COL14A1: variants seen among roughly 807,000 people sequenced by gnomAD.
COL14A1 encodes the protein collagen alpha-1(XIV) chain.
A neutral mutation model predicts 230.3 loss-of-function variants in COL14A1; 136 were observed. The observed-to-expected ratio is 0.59, with a 90% CI of 0.51 to 0.68. COL14A1 has a LOEUF of 0.68. Ranked by LOEUF, COL14A1 falls within the 30% of genes least tolerant of loss-of-function variation. The pLI, the probability that COL14A1 is intolerant of heterozygous loss-of-function variation, is 0.00. For missense variants in COL14A1, 1,976 were observed against 2,215.8 expected, an observed-to-expected ratio of 0.89 and a Z score of 2.17; for synonymous variants, 792 against 784.1, an observed-to-expected ratio of 1.01 and a Z score of -0.17.
intron 37 of COL14A1, among the ~76,000 whole-genome samples, chr8:120,313,189 A>C (rs1270820558): frequency 6.6e-6 from 1 of 152,062 alleles, no homozygotes; most frequent in Non-Finnish European, 1.5e-5. Flanking sequence ...GTGAAACCCC[A>C]TCTCTACTAA....
intron 26 of COL14A1, among the ~76,000 whole-genome samples, chr8:120,273,824 A>G (rs571274360): frequency 2.0e-5 from 3 of 149,982 alleles, no homozygotes; most frequent in African/African-American, 7.3e-5. Context: ...AAAAAGGCCC[A>G]GGGCCAGATG....
chr8:120,171,909 C>T (rs1051044400), intron 5 of COL14A1, among the ~76,000 whole-genome samples: 2 of 151,462 alleles, frequency 1.3e-5, no homozygotes, highest in African/African-American at 4.9e-5. Flanking sequence ...TTTTGGGTTC[C>T]TTATATCTGT....
rs148892946 is a variant in COL14A1, at chr8:120,355,627, A to G, written c.5077+10064A>G. 1.6e-3 allele frequency among the ~76,000 whole-genome samples: 238 copies of G among 152,034 alleles called. 3 individuals are homozygous for G. The highest frequency in any genetic ancestry group is 0.01 in the Middle Eastern group (3 of 294). The stretch of plus-strand genomic sequence containing the variant: ...GGGGTTTCACCATGTAGGCCAGGCT[A>G]GTCTCGAACTCCTAACCTCAACTGA... On this transcript the variant is annotated intron_variant, in intron 45 of 47. Coordinates refer to ENST00000297848, the MANE Select transcript of COL14A1 (RefSeq NM_021110.4).
At chr8:120,155,742 A>G (rs896851712) in intron 2 of COL14A1, among the ~76,000 whole-genome samples, 4 of 152,196 alleles carry the variant, frequency 2.6e-5, no homozygotes, top group Non-Finnish European at 5.9e-5. Flanking sequence ...TATTTTTAAT[A>G]TTTAAAAATT....
At chr8:120,176,891 T>G (rs1189328631) in intron 5 of COL14A1, among the ~76,000 whole-genome samples, 1 of 152,130 alleles carries the variant, frequency 6.6e-6, no homozygotes, top group Non-Finnish European at 1.5e-5. Context: ...TTATTCTCAT[T>G]GTTATTATAA....
intron 4 of COL14A1, among the ~76,000 whole-genome samples, chr8:120,163,303 G>A (rs1227925240): frequency 2.0e-5 from 3 of 152,144 alleles, no homozygotes; most frequent in Non-Finnish European, 4.4e-5. Flanking sequence ...GAGAGGATAG[G>A]CATGGGAAAG....
At position 120,191,032 on chromosome 8, in the gene COL14A1, GTC is replaced by G. The variant is rs1816806944; in HGVS notation, c.437-5755_437-5754del. Among the ~76,000 whole-genome samples, 12 of 144,266 alleles carry G rather than the reference GTC, an allele frequency of 8.3e-5. No homozygotes were observed. The South Asian group carries it at 2.6e-3, about 32-fold the overall frequency. 94.6% of individuals were successfully genotyped at this position (144,266 alleles called of 152,430 possible). A position where few individuals can be genotyped will look rare whatever the true frequency, so the allele number is the denominator to read the frequency against. Reference sequence around the variant, plus strand: ...ATTAATTTTTTGAAGGGTTTTTTGTGTCTCTATTTCCTTCAGTTCTGCTCTGA... The same window carrying G: ...ATTAATTTTTTGAAGGGTTTTTTGTGTCTATTTCCTTCAGTTCTGCTCTGA... On this transcript the variant is annotated intron_variant, in intron 5 of 47. Coordinates refer to ENST00000297848, the MANE Select transcript of COL14A1 (RefSeq NM_021110.4).
At position 120,203,729 on chromosome 8, in the gene COL14A1, A is replaced by C. The variant is rs1193606417; in HGVS notation, c.898A>C (p.Asn300His). The C allele has an allele frequency of 6.2e-7, 1 of 1,613,698 alleles. No individual in the cohort carries two copies. The highest frequency in any genetic ancestry group is 1.3e-5 in the African/African-American group (1 of 74,872). Residue 300 changes from asparagine (N) to histidine (H), a missense_variant, in exon 9 of 48, where the codon AAT becomes CAT. Asn to His is a moderately conservative substitution (Grantham distance 68, BLOSUM62 1). Transcript: ENST00000297848. ...GTAAGGGGTGAAAAACGCGGATGTG[A>C]ATGAGCTGCAGGAGATCGCCTCTGA... ...FAIGVKNADV[N>H]ELQEIASEPD...
chr8:120,195,251 T>C (rs993538175), intron 5 of COL14A1, among the ~76,000 whole-genome samples: 1 of 152,172 alleles, frequency 6.6e-6, no homozygotes, highest in Non-Finnish European at 1.5e-5. Context: ...CAACTATTTT[T>C]TTTTAAGTAA....
chr8:120,247,777 C>G lies in COL14A1; in HGVS notation c.2602+42C>G, dbSNP rs752067834. Reference sequence around the variant, plus strand: ...AAATAATGTTGATACCATGAGTAGTCACTTAAAATGTCTTTTAAGATAAAT... The same window carrying G: ...AAATAATGTTGATACCATGAGTAGTGACTTAAAATGTCTTTTAAGATAAAT... On this transcript the variant is annotated intron_variant, in intron 21 of 47. Coordinates refer to ENST00000297848, the MANE Select transcript of COL14A1 (RefSeq NM_021110.4). 1.1e-5 allele frequency: 17 copies of G among 1,597,752 alleles called. No individual in the cohort carries two copies. The East Asian group carries it at 2.9e-4, about 27-fold the overall frequency.
At chr8:120,228,864 G>C in intron 18 of COL14A1, 95 bp downstream of exon 18, 1 of 1,078,358 alleles carries the variant, frequency 9.3e-7, no homozygotes, top group Non-Finnish European at 1.4e-6. Flanking sequence ...ACTAGGAAAA[G>C]AGATGACCCT....
chr8:120,248,840 G>A (rs1030120668), intron 21 of COL14A1, among the ~76,000 whole-genome samples: 1 of 146,762 alleles, frequency 6.8e-6, no homozygotes, highest in Non-Finnish European at 1.5e-5. Flanking sequence ...GGGCAACAAA[G>A]CAAGACCCTG....
intron 34 of COL14A1, among the ~76,000 whole-genome samples, chr8:120,290,578 T>C (rs1278235367): frequency 6.6e-6 from 1 of 152,234 alleles, no homozygotes; most frequent in Non-Finnish European, 1.5e-5. Flanking sequence ...TGAATTACTA[T>C]TGTCTCCCAC....
chr8:120,201,431 G>A lies in COL14A1; in HGVS notation c.877+1865G>A, dbSNP rs141043507. On this transcript the variant is annotated intron_variant, in intron 8 of 47. Transcript: ENST00000297848. ...TTGGTAGTTTGGAATAAGCTACAGT[G>A]GGGTATTTATTCTACAGAAATTGGC... is the stretch of plus-strand genomic sequence containing the variant. Among the ~76,000 whole-genome samples, 639 of 152,162 alleles carry A rather than the reference G, an allele frequency of 4.2e-3. 9 individuals carry two copies. The highest frequency in any genetic ancestry group is 0.014 in the African/African-American group (595 of 41,506).
At chr8:120,237,908 T>A (rs1413350107) in intron 19 of COL14A1, among the ~76,000 whole-genome samples, 1 of 152,166 alleles carries the variant, frequency 6.6e-6, no homozygotes, top group Non-Finnish European at 1.5e-5. Context: ...GGAGGGCCAT[T>A]CCAGACCCTG....
intron 45 of COL14A1, among the ~76,000 whole-genome samples, chr8:120,364,245 C>G (rs1823327190): frequency 6.6e-6 from 1 of 152,068 alleles, no homozygotes; most frequent in Non-Finnish European, 1.5e-5. Flanking sequence ...TGACTTTATA[C>G]CCAGGCTCCA....
At chr8:120,173,088 T>C (rs1816146403) in intron 5 of COL14A1, among the ~76,000 whole-genome samples, 3 of 152,216 alleles carry the variant, frequency 2.0e-5, no homozygotes, top group Admixed American at 2.0e-4. Flanking sequence ...ATGGTAATTT[T>C]TCTAACTCCA....
chr8:120,212,469 A>G lies in COL14A1; in HGVS notation c.1489A>G (p.Thr497Ala). 6.2e-7 allele frequency: 1 copy of G among 1,613,404 alleles called. No homozygotes were observed. The highest frequency in any genetic ancestry group is 8.5e-7 in the Non-Finnish European group (1 of 1,179,460). Reference protein sequence around the residue: ...EKEMKIGETHTDIELSGLLPN... With the variant: ...EKEMKIGETHADIELSGLLPN... ...TCAGATGAAAATTGGAGAGACCCAC[A>G]CAGATATTGAATTGAGTGGGTTGTT... Residue 497 changes from threonine to alanine, a missense_variant, in exon 13 of 48, where the codon ACA becomes GCA. By Grantham distance (58) the Thr-to-Ala change is moderately conservative. Transcript: ENST00000297848.
intron 3 of COL14A1, among the ~76,000 whole-genome samples, chr8:120,158,489 T>C (rs1815554412): frequency 6.6e-6 from 1 of 152,220 alleles, no homozygotes; most frequent in Admixed American, 6.5e-5. Flanking sequence ...TTATTTTCTC[T>C]GTTTAGTCAT....
Sources: allele counts gnomAD v4.1 joint callset (sites outside exome capture counted in the v4.1 genomes callset), GRCh38; gene constraint gnomAD v4.1.1; transcripts MANE v1.5; gene names NCBI Gene and HGNC (gene_info 2026-07-23, HGNC 2026-07-21).